Variants in NCOA4 observed in about 807,000 individuals in gnomAD.
NCOA4 encodes nuclear receptor coactivator 4.
In NCOA4, 31 loss-of-function variants were observed where a neutral mutation model predicts 69.5. That is an observed-to-expected ratio of 0.45 (90% CI 0.34 to 0.60). NCOA4 has a LOEUF of 0.60. NCOA4 is among the 20% of genes least tolerant of loss of function. The pLI, the probability that NCOA4 is intolerant of heterozygous loss-of-function variation, is 0.02. For missense variants in NCOA4, 600 were observed against 719.2 expected (o/e 0.83, Z 1.90); for synonymous variants, 228 against 252.4 (o/e 0.90, Z 0.92).
At position 46,010,761 on chromosome 10, in the gene NCOA4, TC is replaced by T. The variant is rs1839158266; in HGVS notation, c.1159del (p.Glu387ArgfsTer14). 6.2e-7 allele frequency: 1 copy of T among 1,613,848 alleles called. No homozygotes were observed. Among genetic ancestry groups the T allele is most frequent in the African/African-American group, 1.3e-5 (1 of 74,920 alleles). ...KPLSTPSMVT[E>X]DWLVQNHQDP... The stretch of plus-strand genomic sequence containing the variant: ...CTGATGGTTCTGGACAAGCCAATCC[TC>T]TGTAACCATGCTGGGGGTGGACAAT... On this transcript the variant is annotated frameshift_variant, in exon 8 of 10. Coordinates refer to ENST00000581486, the MANE Select transcript of NCOA4 (RefSeq NM_001145263.2). LOFTEE classifies it high-confidence loss of function.
intron 5 of NCOA4, among the ~76,000 whole-genome samples, chr10:46,014,052 T>C (rs1470064011): frequency 2.0e-5 from 3 of 151,062 alleles, no homozygotes; most frequent in Non-Finnish European, 2.9e-5. Flanking sequence ...TTAGGCGGAG[T>C]CTCACTGTTT....
chr10:46,012,819 T>G, intron 7 of NCOA4, 64 bp downstream of exon 7: 3 of 1,577,906 alleles, frequency 1.9e-6, no homozygotes, highest in Non-Finnish European at 2.6e-6. Context: ...ATAGTACTAC[T>G]GATTAGTAAC....
Position 46,009,362 on chromosome 10 carries a change from T to G in NCOA4, c.1839+49A>C, listed in dbSNP as rs1839058833. 1.9e-6 allele frequency: 3 copies of G among 1,578,430 alleles called. No homozygotes were observed. In the African/African-American group the frequency reaches 4.1e-5, roughly 21 times the overall value. ...CTTCATATGTAAGACAAAACATTTA[T>G]TTTATAAATAGCTATAATCTAATTT... On this transcript the variant is annotated intron_variant, in intron 9 of 9. Coordinates refer to ENST00000581486, the MANE Select transcript of NCOA4 (RefSeq NM_001145263.2).
At chr10:46,015,297 T>C (rs1839472419) in intron 2 of NCOA4, 31 bp from the exon 3 acceptor site, 2 of 1,517,066 alleles carry the variant, frequency 1.3e-6, no homozygotes, top group South Asian at 2.2e-5. Context: ...AGCTTCCTAG[T>C]GTTAATCCCA....
intron 1 of NCOA4, chr10:46,023,385 C>T (rs1224001931): frequency 3.0e-6 from 3 of 985,656 alleles, no homozygotes; most frequent in African/African-American, 1.7e-5. Context: ...GGCTGCTTTA[C>T]CCCTGACCCG....
chr10:46,011,820 G>A (rs541663012), intron 7 of NCOA4, among the ~76,000 whole-genome samples: 5 of 151,656 alleles, frequency 3.3e-5, no homozygotes, highest in East Asian at 4.0e-4. Flanking sequence ...TTGGGAGGCC[G>A]AGGCAGGCAG....
At chr10:46,007,299 AG>A (rs1462178362) in intron 9 of NCOA4, among the ~76,000 whole-genome samples, 6 of 152,210 alleles carry the variant, frequency 3.9e-5, no homozygotes, top group African/African-American at 9.6e-5. Context: ...GAGAGAGGTC[AG>A]GAACCAGAAG....
At chr10:46,009,588 A>T (rs1554920624) in intron 8 of NCOA4, 37 bp from the exon 9 acceptor site, 8 of 1,577,298 alleles carry the variant, frequency 5.1e-6, no homozygotes, top group Non-Finnish European at 6.0e-6. Flanking sequence ...CTTCATGAAA[A>T]CAAGGAGGCA....
chr10:46,007,954 C>T (rs1342572691), intron 9 of NCOA4, among the ~76,000 whole-genome samples: 2 of 152,170 alleles, frequency 1.3e-5, no homozygotes, highest in African/African-American at 2.4e-5. Flanking sequence ...TAAATCTACT[C>T]TGCCTGTGCT....
Position 46,024,826 on chromosome 10 carries a change from C to T in NCOA4, c.-15+5700G>A, listed in dbSNP as rs182867121. On this transcript the variant is annotated intron_variant, in intron 1 of 9. Coordinates refer to ENST00000581486, the MANE Select transcript of NCOA4 (RefSeq NM_001145263.2). ...ACCAACCATCCCAAGTAGATCATCTCATCTAAAGCAGCGTAGCTCTCCTAT... is the reference window on the plus strand; with the variant it reads ...ACCAACCATCCCAAGTAGATCATCTTATCTAAAGCAGCGTAGCTCTCCTAT... 1.2e-3 allele frequency among the ~76,000 whole-genome samples: 178 copies of T among 152,306 alleles called. 2 individuals are homozygous for T. In the Middle Eastern group the frequency reaches 0.017, roughly 15 times the overall value.
At chr10:46,030,250 A>T (rs112580532) in intron 1 of NCOA4, among the ~76,000 whole-genome samples, 2 of 151,770 alleles carry the variant, frequency 1.3e-5, no homozygotes, top group Non-Finnish European at 2.9e-5. Flanking sequence ...GCCGGGCACG[A>T]GGAGGGTCGG....
intron 1 of NCOA4, among the ~76,000 whole-genome samples, chr10:46,026,235 A>G (rs985180782): frequency 1.3e-5 from 2 of 152,238 alleles, no homozygotes; most frequent in Non-Finnish European, 2.9e-5. Flanking sequence ...TTTTCAAACA[A>G]GACAAAGCTG....
chr10:46,014,791 A>C, intron 4 of NCOA4, 63 bp downstream of exon 4: 5 of 1,347,260 alleles, frequency 3.7e-6, no homozygotes, highest in Non-Finnish European at 5.2e-6. Context: ...TACAAAATCG[A>C]CTTTCTTTTA....
intron 9 of NCOA4, among the ~76,000 whole-genome samples, chr10:46,007,866 G>C (rs1310736265): frequency 6.6e-6 from 1 of 152,126 alleles, no homozygotes; most frequent in Non-Finnish European, 1.5e-5. Context: ...TGGAATTGCA[G>C]GCCTGAGCCA....
intron 1 of NCOA4, among the ~76,000 whole-genome samples, chr10:46,018,504 A>C (rs1554923774): frequency 6.6e-6 from 1 of 152,222 alleles, no homozygotes; most frequent in Admixed American, 6.5e-5. Flanking sequence ...GACTAAATTC[A>C]AAACTTATTT....
At chr10:46,028,076 TCTC>T (rs1251524403) in intron 1 of NCOA4, among the ~76,000 whole-genome samples, 4 of 152,216 alleles carry the variant, frequency 2.6e-5, no homozygotes, top group Admixed American at 6.5e-5. Flanking sequence ...CCCTTACTCT[TCTC>T]CTCCTGCTGC....
rs782527735 is a variant in NCOA4 at position 46,010,779 on chromosome 10, G to A, written c.1142C>T (p.Thr381Ile). ...CCAATCCTCTGTAACCATGCTGGGGGTGGACAATGGTTTCTTGGCCTCCAA... is the reference window on the plus strand; with the variant it reads ...CCAATCCTCTGTAACCATGCTGGGGATGGACAATGGTTTCTTGGCCTCCAA... The part of the protein sequence containing the change: ...DHLEAKKPLS[T>I]PSMVTEDWLV... Residue 381 changes from threonine to isoleucine, a missense_variant, in exon 8 of 10, where the codon ACC becomes ATC. Transcript: ENST00000581486. 2.5e-6 allele frequency: 4 copies of A among 1,613,946 alleles called. No homozygotes were observed. Among genetic ancestry groups the A allele is most frequent in the Admixed American group, 3.3e-5 (2 of 60,010 alleles).
At chr10:46,030,082 C>G (rs1265572874) in intron 1 of NCOA4, among the ~76,000 whole-genome samples, 2 of 152,322 alleles carry the variant, frequency 1.3e-5, no homozygotes, top group Middle Eastern at 3.4e-3. Flanking sequence ...TGTGCCCGTC[C>G]GGCAAAACAG....
Position 46,030,589 on chromosome 10 carries a change from A to G in NCOA4, c.-78T>C, listed in dbSNP as rs782787271. The G allele has an allele frequency of 2.6e-5, 4 of 152,332 alleles. No individual in the cohort carries two copies. The highest frequency in any genetic ancestry group is 4.4e-5 in the Non-Finnish European group (3 of 68,114). The allele number at this position is 152,332 out of a possible 1,614,324, so 9.4% of individuals were successfully genotyped here. A position where few individuals can be genotyped will look rare whatever the true frequency, so the allele number is the denominator to read the frequency against. ...TGGGTGGACTGAGACACGGCCCCAC[A>G]CTAACCTACGGCCCAAAGGCAGAGT... On this transcript the variant is annotated 5_prime_UTR_variant, in exon 1 of 10. Transcript: ENST00000581486.
Sources: gnomAD v4.1 joint callset for allele counts (sites outside exome capture counted in the v4.1 genomes callset) on GRCh38, gnomAD v4.1.1 for gene constraint, MANE v1.5 for transcripts, NCBI Gene and HGNC (gene_info 2026-07-23, HGNC 2026-07-21) for gene names.